ATL2: variants seen among roughly 807,000 people sequenced by gnomAD.
ATL2 encodes the protein atlastin-2.
A neutral mutation model predicts 73.9 loss-of-function variants in ATL2; 31 were observed. That is an observed-to-expected ratio of 0.42 (90% CI 0.32 to 0.57). The LOEUF is 0.57. Among genes scored for constraint, ATL2 ranks in the 20% least tolerant of loss-of-function variants. ATL2 has a pLI of 0.14. For missense variants in ATL2, 738 were observed against 702.6 expected (o/e 1.05, Z -0.57); for synonymous variants, 291 against 237.5 (o/e 1.23, Z -2.07).
chr2:38,312,719 AAAAAAAG>A (rs913255422), intron 7 of ATL2, among the ~76,000 whole-genome samples: 1 of 149,594 alleles, frequency 6.7e-6, no homozygotes, highest in South Asian at 2.1e-4. Context: ...AAAAAAAAAA[AAAAAAAG>A]AAGGTGCTTG....
chr2:38,364,045 T>G (rs886071019), intron 1 of ATL2, among the ~76,000 whole-genome samples: 1 of 152,068 alleles, frequency 6.6e-6, no homozygotes, highest in Non-Finnish European at 1.5e-5. Flanking sequence ...AGGCAGATCA[T>G]GAGGTCAGGA....
intron 2 of ATL2, among the ~76,000 whole-genome samples, chr2:38,340,282 C>G (rs1042076995): frequency 2.7e-5 from 4 of 149,046 alleles, no homozygotes; most frequent in African/African-American, 9.8e-5. Flanking sequence ...AAAATTTCAT[C>G]AAGCTGTACA....
chr2:38,357,413 C>T (rs920577536), intron 1 of ATL2, among the ~76,000 whole-genome samples: 7 of 151,208 alleles, frequency 4.6e-5, no homozygotes, highest in Non-Finnish European at 7.4e-5. Flanking sequence ...ACAGAACCCT[C>T]AGTCAGAAAT....
At chr2:38,328,147 C>A (rs1467129606) in intron 2 of ATL2, among the ~76,000 whole-genome samples, 1 of 152,120 alleles carries the variant, frequency 6.6e-6, no homozygotes, top group Non-Finnish European at 1.5e-5. Flanking sequence ...AAAACCACTT[C>A]AGAACAAAGA....
At chr2:38,312,461 A>G (rs1025300261) in intron 7 of ATL2, among the ~76,000 whole-genome samples, 1 of 152,120 alleles carries the variant, frequency 6.6e-6, no homozygotes, top group African/African-American at 2.4e-5. Flanking sequence ...CTGTAATCCC[A>G]GCACTTTGGG....
At chr2:38,300,791 C>G (rs1467784996) in intron 9 of ATL2, among the ~76,000 whole-genome samples, 1 of 150,674 alleles carries the variant, frequency 6.6e-6, no homozygotes, top group Non-Finnish European at 1.5e-5. Context: ...GCTGAAACTA[C>G]AAGGTGTGTG....
In ATL2 at chr2:38,318,107, C is replaced by T. The variant is rs113414958; in HGVS notation, c.603+428G>A. ...AAAAGCTAGAGTGTGCATGATCACA[C>T]CCATGAATAGCCACTGCACTCCAAC... is the stretch of plus-strand genomic sequence containing the variant. On this transcript the variant is annotated intron_variant, in intron 4 of 12. Transcript: ENST00000378954. Among the ~76,000 whole-genome samples, 338 of 152,272 alleles carry T rather than the reference C, an allele frequency of 2.2e-3. 5 individuals are homozygous for T. Among genetic ancestry groups the T allele is most frequent in the African/African-American group, 7.6e-3 (314 of 41,540 alleles).
chr2:38,315,968 G>C (rs1040174473), intron 4 of ATL2, among the ~76,000 whole-genome samples: 1 of 152,202 alleles, frequency 6.6e-6, no homozygotes, highest in Non-Finnish European at 1.5e-5. Flanking sequence ...GACTAGAGTT[G>C]ATAAAGGAGG....
chr2:38,341,061 T>C (rs1372516209), intron 2 of ATL2, among the ~76,000 whole-genome samples: 1 of 152,154 alleles, frequency 6.6e-6, no homozygotes, highest in East Asian at 1.9e-4. Flanking sequence ...GAAACAGAAA[T>C]GGCACCTGAG....
At chr2:38,325,709 C>CT (rs1668602682) in intron 2 of ATL2, among the ~76,000 whole-genome samples, 2 of 95,278 alleles carry the variant, frequency 2.1e-5, no homozygotes, top group African/African-American at 1.6e-4. Flanking sequence ...TACACACACA[C>CT]ACACACACAC....
Position 38,298,498 on chromosome 2 carries a change from T to C in ATL2, c.1278A>G (p.Ile426Met). 6.2e-7 allele frequency: 1 copy of C among 1,614,216 alleles called. No homozygotes were observed. ...TCTTTTTTACTGAACGAAATTGTTTTATCGCCACTTCCTTGAGATCCAAGT... is the reference window on the plus strand; with the variant it reads ...TCTTTTTTACTGAACGAAATTGTTTCATCGCCACTTCCTTGAGATCCAAGT... ...RKHLDLKEVA[I>M]KQFRSVKKMG... is the part of the protein sequence containing the mutation. The change falls in exon 12 of 13, where the codon ATA (isoleucine) becomes ATG (methionine). Residue 426 changes from isoleucine (I) to methionine (M), a missense_variant. Ile to Met is a conservative substitution (Grantham distance 10). Transcript: ENST00000378954.
chr2:38,324,516 G>T (rs996598153), intron 2 of ATL2, among the ~76,000 whole-genome samples: 4 of 152,110 alleles, frequency 2.6e-5, no homozygotes, highest in Non-Finnish European at 5.9e-5. Flanking sequence ...TGCAAGTCCT[G>T]GAACAAATTA....
intron 12 of ATL2, among the ~76,000 whole-genome samples, chr2:38,297,438 G>A (rs1011931020): frequency 5.3e-5 from 8 of 152,204 alleles, no homozygotes; most frequent in African/African-American, 1.7e-4. Context: ...ATCCATAAGC[G>A]GTCCACAGGT....
At chr2:38,301,271 A>G (rs529976434) in intron 9 of ATL2, among the ~76,000 whole-genome samples, 1 of 152,292 alleles carries the variant, frequency 6.6e-6, no homozygotes, top group South Asian at 2.1e-4. Flanking sequence ...TGCCTGGCTC[A>G]TCTCAACTTT....
chr2:38,363,053 G>A (rs1177991915), intron 1 of ATL2, among the ~76,000 whole-genome samples: 2 of 152,204 alleles, frequency 1.3e-5, no homozygotes, highest in Non-Finnish European at 2.9e-5. Context: ...TGCCGACTAT[G>A]TGCCTATTAT....
intron 2 of ATL2, 132 bp from the exon 3 acceptor site, chr2:38,319,151 C>T: frequency 4.2e-6 from 4 of 952,162 alleles, no homozygotes; most frequent in Non-Finnish European, 6.3e-6. Flanking sequence ...GTGTAACAAA[C>T]AAGTAGTTAC....
At chr2:38,347,536 T>C (rs756408867) in intron 1 of ATL2, among the ~76,000 whole-genome samples, 40 of 151,916 alleles carry the variant, frequency 2.6e-4, no homozygotes, top group Non-Finnish European at 2.5e-4. Context: ...TATTCATAGT[T>C]TTTTTCAATT....
In ATL2 at chr2:38,339,966, C is replaced by G. The variant is rs1269753526; in HGVS notation, c.363+3302G>C. On this transcript the variant is annotated intron_variant, in intron 2 of 12. Transcript: ENST00000378954. Reference sequence around the variant, plus strand: ...TCGGCCTCCCAAAGTGCTGGGATTACAGGCGTGAGCCCCAACACCCTGCCC... The same window carrying G: ...TCGGCCTCCCAAAGTGCTGGGATTAGAGGCGTGAGCCCCAACACCCTGCCC... Among the ~76,000 whole-genome samples, 3 of 152,142 alleles carry G rather than the reference C, an allele frequency of 2.0e-5. No homozygotes were observed. The East Asian group carries it at 5.8e-4, about 29-fold the overall frequency.
intron 9 of ATL2, among the ~76,000 whole-genome samples, chr2:38,306,456 C>T (rs1275848916): frequency 6.6e-6 from 1 of 152,090 alleles, no homozygotes; most frequent in Non-Finnish European, 1.5e-5. Context: ...GGCCAATATC[C>T]CTGATGAACA....
Sources: allele counts gnomAD v4.1 joint callset (sites outside exome capture counted in the v4.1 genomes callset), GRCh38; gene constraint gnomAD v4.1.1; transcripts MANE v1.5; gene names NCBI Gene and HGNC (gene_info 2026-07-23, HGNC 2026-07-21).